The following SNX25 variants were observed in gnomAD, a reference collection of about 807,000 sequenced individuals.
The protein encoded by SNX25 is sorting nexin 25.
Under a neutral mutation model 113.7 loss-of-function variants are expected in SNX25, and 62 were observed. That is an observed-to-expected ratio of 0.55 (90% confidence interval 0.44 to 0.67). The LOEUF (loss-of-function observed/expected upper bound fraction) is 0.67. Among genes scored for constraint, SNX25 ranks in the 30% least tolerant of loss-of-function variants. The pLI, the probability that SNX25 is intolerant of heterozygous loss-of-function variation, is 0.00. For missense variants in SNX25, 1,014 were observed against 1,161.0 expected (o/e 0.87, Z 1.84); for synonymous variants, 421 against 436.2 (o/e 0.97, Z 0.43).
intron 16 of SNX25, among the ~76,000 whole-genome samples, chr4:185,360,793 C>T (rs1219996277): frequency 1.3e-5 from 2 of 152,022 alleles, no homozygotes; most frequent in Non-Finnish European, 2.9e-5. Context: ...GTGGCACACG[C>T]CTGTAGTCCC....
rs368657253 is a variant in SNX25, at chr4:185,342,031, A to C, written c.2102A>C (p.Gln701Pro). 3 of 1,611,756 alleles carry C rather than the reference A, an allele frequency of 1.9e-6. No individual in the cohort carries two copies. The highest frequency in any genetic ancestry group is 1.7e-5 in the Admixed American group (1 of 59,596). ...TGTTACTTTGTCATGGTAAGCCTAC[A>C]AGAAGTTGGAGGAGTTGAAACTAAG... is the stretch of plus-strand genomic sequence containing the variant. ...LPCYFVMVSLQEVGGVETKNW... is the reference protein window; with the variant it reads ...LPCYFVMVSLPEVGGVETKNW... Residue 701 changes from glutamine to proline, a missense_variant, in exon 12 of 19, where the codon CAA becomes CCA. Physicochemically the swap from Gln to Pro is moderately conservative, Grantham distance 76. Transcript: ENST00000652585.
chr4:185,239,517 C>G (rs893206029), intron 1 of SNX25, among the ~76,000 whole-genome samples: 1 of 152,132 alleles, frequency 6.6e-6, no homozygotes, highest in Non-Finnish European at 1.5e-5. Context: ...AAGTTTTGCT[C>G]TGTCTTTAGA....
Position 185,232,311 on chromosome 4 carries a change from G to A in SNX25, c.430-14983G>A, listed in dbSNP as rs759384391. On this transcript the variant is annotated intron_variant, in intron 1 of 18. Coordinates refer to ENST00000652585, the MANE Select transcript of SNX25 (RefSeq NM_001378034.2). The surrounding 1 kb of genome is among the most constrained non-coding windows in gnomAD (Gnocchi z 4.4). ...AGTACTACGGGGTTACAATCTTCCC[G>A]GACATCGCCTAAGTTTTATTATCCC... Among the ~76,000 whole-genome samples the A allele has an allele frequency of 1.1e-4, 16 of 152,046 alleles. 1 individual carries two copies. The highest frequency in any genetic ancestry group is 2.1e-4 in the South Asian group (1 of 4,832).
upstream of SNX25, among the ~76,000 whole-genome samples, chr4:185,205,059 G>A (rs72704046): frequency 0.039 from 6,002 of 152,298 alleles, 196 homozygotes; most frequent in East Asian, 0.15. Flanking sequence ...TGCCTGTCCC[G>A]GGGAGTTCCA....
chr4:185,348,397 T>C (rs1260990549), intron 13 of SNX25, among the ~76,000 whole-genome samples: 1 of 127,878 alleles, frequency 7.8e-6, no homozygotes, highest in Non-Finnish European at 1.6e-5. Context: ...TATCATTTCT[T>C]TATTTTTTTT....
At chr4:185,250,596 A>C (rs1335946905) in intron 2 of SNX25, among the ~76,000 whole-genome samples, 1 of 152,222 alleles carries the variant, frequency 6.6e-6, no homozygotes, top group Non-Finnish European at 1.5e-5. Flanking sequence ...AGCTGTGTGT[A>C]AACATGGATC....
chr4:185,236,468 C>T (rs1579403301), intron 1 of SNX25, among the ~76,000 whole-genome samples: 1 of 152,026 alleles, frequency 6.6e-6, no homozygotes, highest in South Asian at 2.1e-4. Flanking sequence ...TTTATAGACG[C>T]TTTTAGTATG....
intron 1 of SNX25, among the ~76,000 whole-genome samples, chr4:185,239,440 A>C (rs371197097): frequency 6.6e-6 from 1 of 151,458 alleles, no homozygotes; most frequent in African/African-American, 2.4e-5. Context: ...CTGAGATCGC[A>C]CCGCTGCACT....
intron 5 of SNX25, among the ~76,000 whole-genome samples, chr4:185,273,830 G>T (rs1170992599): frequency 6.6e-6 from 1 of 152,150 alleles, no homozygotes; most frequent in East Asian, 1.9e-4. Context: ...CCAATGGCAG[G>T]ATTTCCTTCT....
downstream of SNX25, chr4:185,373,153 A>G (rs2095421654): frequency 7.4e-7 from 1 of 1,356,308 alleles, no homozygotes; most frequent in Non-Finnish European, 1.0e-6. Flanking sequence ...TAGACAGAAA[A>G]GAACTCTGTG....
At chr4:185,272,422 C>G (rs1749071506) in intron 5 of SNX25, among the ~76,000 whole-genome samples, 1 of 152,272 alleles carries the variant, frequency 6.6e-6, no homozygotes. Flanking sequence ...CTTATAAATG[C>G]GCGGACAGCT....
chr4:185,291,307 G>A (rs368725349), intron 6 of SNX25, among the ~76,000 whole-genome samples: 1 of 152,048 alleles, frequency 6.6e-6, no homozygotes, highest in Admixed American at 6.6e-5. Flanking sequence ...ACCCATCTCC[G>A]GAACTTTTCA....
Position 185,232,950 on chromosome 4 carries a change from T to G in SNX25, c.430-14344T>G, listed in dbSNP as rs189549236. ...CTAAGCCCAGCCTTCCATGGTGGTA[T>G]GGCTCATTAGCTACCCGATTATGAG... On this transcript the variant is annotated intron_variant, in intron 1 of 18. Coordinates refer to ENST00000652585, the MANE Select transcript of SNX25 (RefSeq NM_001378034.2). The surrounding 1 kb of genome is among the most constrained non-coding windows in gnomAD (Gnocchi z 4.4). 4.1e-3 allele frequency among the ~76,000 whole-genome samples: 624 copies of G among 152,284 alleles called. 3 individuals carry two copies. The highest frequency in any genetic ancestry group is 0.03 in the South Asian group (145 of 4,818).
the SNX25 span, chr4:185,375,496 ATATATATATATATATATATG>A: frequency 6.2e-4 from 43 of 69,066 alleles, no homozygotes; most frequent in East Asian, 0.011. Flanking sequence ...AAATATATAT[ATATATATATATATATATATG>A]TATATATATA....
intron 1 of SNX25, among the ~76,000 whole-genome samples, chr4:185,231,999 T>G (rs189441115): frequency 6.2e-4 from 95 of 152,288 alleles, no homozygotes; most frequent in African/African-American, 2.1e-3. Flanking sequence ...GCTTTTCACT[T>G]CAAAGGAATT....
intron 6 of SNX25, among the ~76,000 whole-genome samples, chr4:185,299,868 A>ACT (rs1753386113): frequency 6.6e-6 from 1 of 152,220 alleles, no homozygotes; most frequent in Admixed American, 6.5e-5. Context: ...CATTCAGCTT[A>ACT]CTACAGCAAA....
chr4:185,310,553 C>T, intron 6 of SNX25, 82 bp from the exon 7 acceptor site: 1 of 1,294,458 alleles, frequency 7.7e-7, no homozygotes, highest in East Asian at 2.4e-5. Context: ...ATGCCCACAG[C>T]AGACACTGAT....
chr4:185,214,982 G>C (rs1476347570), intron 1 of SNX25, among the ~76,000 whole-genome samples: 1 of 152,224 alleles, frequency 6.6e-6, no homozygotes. Flanking sequence ...TGTAATCCCA[G>C]CACTTTGGGA....
At chr4:185,243,244 T>C (rs567642751) in intron 1 of SNX25, among the ~76,000 whole-genome samples, 1 of 152,210 alleles carries the variant, frequency 6.6e-6, no homozygotes, top group Non-Finnish European at 1.5e-5. Context: ...TACAGTTCAG[T>C]GATACTAAAT....
Sources: allele counts gnomAD v4.1 joint callset (sites outside exome capture counted in the v4.1 genomes callset), GRCh38; gene constraint gnomAD v4.1.1; non-coding constraint Gnocchi (gnomAD v3.1); transcripts MANE v1.5; gene names NCBI Gene and HGNC (gene_info 2026-07-23, HGNC 2026-07-21).